DNM3: variants seen among roughly 807,000 people sequenced by gnomAD.
DNM3 encodes dynamin 3.
DNM3 carries 47 observed loss-of-function variants against 101.6 expected under a neutral mutation model. The observed-to-expected ratio is 0.46, with a 90% CI of 0.37 to 0.59. DNM3 has a LOEUF of 0.59. Among genes scored for constraint, DNM3 ranks in the 20% least tolerant of loss-of-function variants. The pLI, the probability that DNM3 is intolerant of heterozygous loss-of-function variation, is 0.00. For synonymous variants in DNM3, 385 were observed against 387.9 expected (o/e 0.99, Z 0.09); for missense variants, 849 against 1,085.7 (o/e 0.78, Z 3.06).
chr1:172,327,485 C>T (rs1160650171), intron 17 of DNM3, among the ~76,000 whole-genome samples: 2 of 152,154 alleles, frequency 1.3e-5, no homozygotes, highest in East Asian at 3.8e-4. Context: ...AAAACTCATC[C>T]TCACAATGTG....
At chr1:171,998,763 C>T (rs141210317) in intron 4 of DNM3, among the ~76,000 whole-genome samples, 9 of 151,950 alleles carry the variant, frequency 5.9e-5, no homozygotes, top group African/African-American at 2.2e-4. Flanking sequence ...GACAGACGGC[C>T]TAAGGAGGCA....
intron 16 of DNM3, among the ~76,000 whole-genome samples, chr1:172,315,781 C>T (rs1161275982): frequency 2.6e-5 from 4 of 152,130 alleles, no homozygotes; most frequent in Non-Finnish European, 4.4e-5. Flanking sequence ...CTGACAGTGA[C>T]GGGGAGAATG....
At chr1:172,298,646 C>G (rs1334043923) in intron 15 of DNM3, among the ~76,000 whole-genome samples, 1 of 152,072 alleles carries the variant, frequency 6.6e-6, no homozygotes, top group Non-Finnish European at 1.5e-5. Context: ...CCTGTTTGAA[C>G]TGAGTAAGAA....
chr1:171,884,586 C>G (rs997448605), intron 1 of DNM3, among the ~76,000 whole-genome samples: 4 of 152,200 alleles, frequency 2.6e-5, no homozygotes, highest in African/African-American at 9.6e-5. Flanking sequence ...TCTGTGGAAT[C>G]AGCAGGTTGG....
chr1:171,995,104 T>G (rs1241924449), intron 4 of DNM3, among the ~76,000 whole-genome samples: 8 of 144,040 alleles, frequency 5.6e-5, no homozygotes, highest in East Asian at 2.0e-4. Flanking sequence ...AGGTTTTTTT[T>G]TTTTTTTTTT....
chr1:172,060,113 A>C lies in DNM3; in HGVS notation c.1336-8706A>C, dbSNP rs575485114. Among the ~76,000 whole-genome samples, 35 of 150,624 alleles carry C rather than the reference A, an allele frequency of 2.3e-4. 1 individual carries two copies. In the South Asian group the frequency reaches 7.2e-3, roughly 31 times the overall value. The stretch of plus-strand genomic sequence containing the variant: ...CATTCACAATTGCTTCAAAGAGAAT[A>C]AAATACCTAGGAATCCAACTTACAA... On this transcript the variant is annotated intron_variant, in intron 10 of 20. Transcript: ENST00000627582.
downstream of DNM3, among the ~76,000 whole-genome samples, chr1:172,416,641 G>A (rs185610809): frequency 1.3e-5 from 2 of 152,266 alleles, no homozygotes; most frequent in Admixed American, 1.3e-4. Context: ...CTGTGGACTT[G>A]CTGTTCAGTT....
chr1:172,153,392 G>T (rs1022068165), intron 14 of DNM3, among the ~76,000 whole-genome samples: 1 of 152,114 alleles, frequency 6.6e-6, no homozygotes, highest in African/African-American at 2.4e-5. Context: ...CATTTACAGA[G>T]AATAGGAGCA....
chr1:171,982,704 A>G (rs1301043594), intron 2 of DNM3, among the ~76,000 whole-genome samples: 1 of 152,068 alleles, frequency 6.6e-6, no homozygotes, highest in African/African-American at 2.4e-5. Flanking sequence ...TTGTATTTAT[A>G]CAGTATTATA....
chr1:171,968,045 C>T (rs2043715582), intron 2 of DNM3, among the ~76,000 whole-genome samples: 1 of 152,190 alleles, frequency 6.6e-6, no homozygotes, highest in African/African-American at 2.4e-5. Flanking sequence ...AGCCTTCCCT[C>T]TGCCACTACA....
intron 10 of DNM3, among the ~76,000 whole-genome samples, chr1:172,057,815 T>C (rs1381152496): frequency 2.0e-5 from 3 of 150,982 alleles, no homozygotes; most frequent in African/African-American, 4.9e-5. Context: ...GCTATCATCA[T>C]AATGACAGGA....
Position 172,411,359 on chromosome 1 carries a change from CAAG to C in DNM3, c.*3523_*3525del. 2 of 984,924 alleles carry C rather than the reference CAAG, an allele frequency of 2.0e-6. No homozygotes were observed. The highest frequency in any genetic ancestry group is 2.4e-6 in the Non-Finnish European group (2 of 829,618). The allele number at this position is 984,924 out of a possible 1,614,324, so 61.0% of individuals were successfully genotyped here. A position where few individuals can be genotyped will look rare whatever the true frequency, so the allele number is the denominator to read the frequency against. On this transcript the variant is annotated 3_prime_UTR_variant, in exon 21 of 21. Transcript: ENST00000627582. ...CCATAGACATTTGTATCTGAATCCACAAGAAGATCTGAATCTAAGAAGGAATTA... is the reference window on the plus strand; with the variant it reads ...CCATAGACATTTGTATCTGAATCCACAAGATCTGAATCTAAGAAGGAATTA...
At chr1:172,363,226 G>A (rs1183327090) in intron 17 of DNM3, among the ~76,000 whole-genome samples, 1 of 151,710 alleles carries the variant, frequency 6.6e-6, no homozygotes, top group East Asian at 1.9e-4. Context: ...TTCCAATTTT[G>A]TATGAAAGAT....
At chr1:172,216,428 A>G (rs1358967105) in intron 14 of DNM3, among the ~76,000 whole-genome samples, 4 of 152,050 alleles carry the variant, frequency 2.6e-5, no homozygotes, top group Non-Finnish European at 5.9e-5. Flanking sequence ...TTCCCTCCCC[A>G]TTTAAAAATA....
At chr1:172,306,907 C>T (rs1054265557) in intron 15 of DNM3, among the ~76,000 whole-genome samples, 4 of 152,036 alleles carry the variant, frequency 2.6e-5, no homozygotes, top group Non-Finnish European at 4.4e-5. Context: ...AATGTTAGAC[C>T]TAAAACCATA....
At chr1:172,054,511 T>A (rs1002097941) in intron 10 of DNM3, among the ~76,000 whole-genome samples, 1 of 152,238 alleles carries the variant, frequency 6.6e-6, no homozygotes, top group African/African-American at 2.4e-5. Flanking sequence ...ATCTTGATTT[T>A]TTTTTTAACC....
intron 4 of DNM3, among the ~76,000 whole-genome samples, chr1:172,014,079 A>G (rs926734905): frequency 9.9e-5 from 15 of 151,954 alleles, no homozygotes; most frequent in South Asian, 4.1e-4. Context: ...TTGAACACAC[A>G]TGTTTATAGC....
intron 14 of DNM3, among the ~76,000 whole-genome samples, chr1:172,135,676 AACAG>A (rs559586161): frequency 0.032 from 4,824 of 152,188 alleles, 122 homozygotes; most frequent in Middle Eastern, 0.11. Context: ...GTGAGAATAA[AACAG>A]AAACTGTCAT....
At chr1:172,379,914 A>G (rs1197791849) in intron 18 of DNM3, among the ~76,000 whole-genome samples, 3 of 152,044 alleles carry the variant, frequency 2.0e-5, no homozygotes, top group African/African-American at 7.2e-5. Context: ...TAGATAAGAT[A>G]GGTTATAATG....
Sources: allele counts gnomAD v4.1 joint callset (sites outside exome capture counted in the v4.1 genomes callset), GRCh38; gene constraint gnomAD v4.1.1; transcripts MANE v1.5; gene names NCBI Gene and HGNC (gene_info 2026-07-23, HGNC 2026-07-21).